The following NRXN1 variants were observed in gnomAD, a reference collection of about 807,000 sequenced individuals.
The protein encoded by NRXN1 is neurexin-1.
In NRXN1, 39 loss-of-function variants were observed where a neutral mutation model predicts 150.9. That is an observed-to-expected ratio of 0.26 (90% CI 0.20 to 0.34). NRXN1 has a LOEUF of 0.34. Among genes scored for constraint, NRXN1 ranks in the 10% least tolerant of loss-of-function variants. NRXN1 has a pLI of 1.00. For synonymous variants in NRXN1, 924 were observed against 757.0 expected (o/e 1.22, Z -3.62); for missense variants, 1,815 against 1,949.9 (o/e 0.93, Z 1.30).
chr2:50,225,208 A>G (rs1412543740), intron 18 of NRXN1, among the ~76,000 whole-genome samples: 2 of 151,928 alleles, frequency 1.3e-5, no homozygotes, highest in East Asian at 3.9e-4. Context: ...GCACTTCTGG[A>G]GTGAGCGCCT....
chr2:50,437,393 G>A (rs1403741629), intron 17 of NRXN1, among the ~76,000 whole-genome samples: 1 of 152,100 alleles, frequency 6.6e-6, no homozygotes, highest in African/African-American at 2.4e-5. Flanking sequence ...GAAGGATCTC[G>A]TGTCATTTAT....
intron 21 of NRXN1, among the ~76,000 whole-genome samples, chr2:49,996,497 CA>C (rs1260293839): frequency 1.3e-5 from 2 of 152,206 alleles, no homozygotes; most frequent in East Asian, 3.9e-4. Context: ...ACTGACATGG[CA>C]AAGTCTTTGT....
In NRXN1 at chr2:50,419,680, CA is replaced by C. The variant is rs755596673; in HGVS notation, c.3364+45761del. Among the ~76,000 whole-genome samples, 98 of 151,918 alleles carry C rather than the reference CA, an allele frequency of 6.5e-4. 2 individuals are homozygous for C. Among genetic ancestry groups the C allele is most frequent in the Non-Finnish European group, 2.2e-4 (15 of 67,882 alleles). The stretch of plus-strand genomic sequence containing the variant: ...TGTATCTTACAAATTTGCATACATA[CA>C]ATAGTTTGAGTAAATTGGAAATACT... On this transcript the variant is annotated intron_variant, in intron 17 of 22. Coordinates refer to ENST00000401669, the MANE Select transcript of NRXN1 (RefSeq NM_001330078.2).
intron 18 of NRXN1, among the ~76,000 whole-genome samples, chr2:50,124,258 C>T (rs1704261372): frequency 6.6e-6 from 1 of 152,034 alleles, no homozygotes; most frequent in South Asian, 2.1e-4. Context: ...TACTGTTCAC[C>T]TTAATAAGAA....
At chr2:50,349,270 G>T (rs1186558834) in intron 17 of NRXN1, among the ~76,000 whole-genome samples, 1 of 152,150 alleles carries the variant, frequency 6.6e-6, no homozygotes, top group Admixed American at 6.6e-5. Context: ...TTCCACAGCT[G>T]CTCGAAGGCC....
intron 5 of NRXN1, among the ~76,000 whole-genome samples, chr2:50,704,664 T>C (rs1011554667): frequency 2.6e-5 from 4 of 151,778 alleles, no homozygotes; most frequent in African/African-American, 7.2e-5. Flanking sequence ...TTTTGTCTTA[T>C]ATTAATATTT....
intron 18 of NRXN1, among the ~76,000 whole-genome samples, chr2:50,131,255 C>A (rs1295849198): frequency 2.6e-5 from 4 of 152,158 alleles, no homozygotes; most frequent in Admixed American, 1.3e-4. Context: ...TCATTAACAC[C>A]TTTGTCCCAG....
At chr2:50,234,381 A>T (rs1250695581) in intron 18 of NRXN1, among the ~76,000 whole-genome samples, 2 of 151,802 alleles carry the variant, frequency 1.3e-5, no homozygotes, top group African/African-American at 4.8e-5. Context: ...GTAATCCTAG[A>T]TATTTGGGAG....
At chr2:50,941,851 G>T (rs1157187653) in intron 2 of NRXN1, among the ~76,000 whole-genome samples, 1 of 152,116 alleles carries the variant, frequency 6.6e-6, no homozygotes, top group Non-Finnish European at 1.5e-5. Flanking sequence ...AAAGCTAGCT[G>T]CAGAAATTTG....
chr2:50,892,381 C>T (rs767113365), intron 5 of NRXN1, among the ~76,000 whole-genome samples: 7 of 152,134 alleles, frequency 4.6e-5, no homozygotes, highest in Admixed American at 1.3e-4. Context: ...AGATCAATAT[C>T]TCCTAAGGCT....
intron 20 of NRXN1, among the ~76,000 whole-genome samples, chr2:50,054,581 T>C (rs913842728): frequency 5.3e-5 from 8 of 152,194 alleles, no homozygotes; most frequent in African/African-American, 1.7e-4. Context: ...ATAATAAAGA[T>C]ATCAGAACTA....
At chr2:50,167,408 C>T (rs771733011) in intron 18 of NRXN1, among the ~76,000 whole-genome samples, 15 of 152,038 alleles carry the variant, frequency 9.9e-5, no homozygotes, top group Admixed American at 2.0e-4. Flanking sequence ...GCCTCCCCCC[C>T]GCCTGTTAAT....
intron 2 of NRXN1, among the ~76,000 whole-genome samples, chr2:51,022,208 T>G (rs897964625): frequency 6.6e-6 from 1 of 152,132 alleles, no homozygotes; most frequent in Non-Finnish European, 1.5e-5. Context: ...CGTGGACACT[T>G]ACAAAATGCT....
Position 50,248,909 on chromosome 2 carries a change from G to A in NRXN1, c.3365-11939C>T, listed in dbSNP as rs188295908. ...CACCTGTAATCCCAGCACTTTGGGA[G>A]GCCAAGGCAGAAGGATTCCTTGAGG... On this transcript the variant is annotated intron_variant, in intron 17 of 22. Coordinates refer to ENST00000401669, the MANE Select transcript of NRXN1 (RefSeq NM_001330078.2). Among the ~76,000 whole-genome samples, 288 of 152,170 alleles carry A rather than the reference G, an allele frequency of 1.9e-3. 2 individuals carry two copies. The highest frequency in any genetic ancestry group is 6.8e-3 in the African/African-American group (283 of 41,524).
intron 5 of NRXN1, among the ~76,000 whole-genome samples, chr2:50,859,018 T>G (rs1184991391): frequency 6.6e-6 from 1 of 152,156 alleles, no homozygotes; most frequent in Non-Finnish European, 1.5e-5. Flanking sequence ...CACTGAGATT[T>G]TAAAGCAAAT....
At position 50,434,732 on chromosome 2, in the gene NRXN1, C is replaced by T. The variant is rs114713002; in HGVS notation, c.3364+30710G>A. Among the ~76,000 whole-genome samples the T allele has an allele frequency of 4.7e-3, 712 of 152,236 alleles. 4 individuals carry two copies. Among genetic ancestry groups the T allele is most frequent in the Non-Finnish European group, 7.3e-3 (494 of 68,000 alleles). Reference sequence around the variant, plus strand: ...AAACCATGGAATGGAATTAATGTTACCAGCAGTAATTTTATTGTCTATCTT... The same window carrying T: ...AAACCATGGAATGGAATTAATGTTATCAGCAGTAATTTTATTGTCTATCTT... On this transcript the variant is annotated intron_variant, in intron 17 of 22. Coordinates refer to ENST00000401669, the MANE Select transcript of NRXN1 (RefSeq NM_001330078.2).
At chr2:50,816,602 T>C (rs546787313) in intron 5 of NRXN1, among the ~76,000 whole-genome samples, 1 of 152,242 alleles carries the variant, frequency 6.6e-6, no homozygotes, top group South Asian at 2.1e-4. Context: ...TACTGATTGT[T>C]TGGTTCATGA....
chr2:50,370,094 G>C (rs182568208), intron 17 of NRXN1, among the ~76,000 whole-genome samples: 1 of 151,998 alleles, frequency 6.6e-6, no homozygotes, highest in East Asian at 1.9e-4. Context: ...CTCTTCAGTT[G>C]TTTTCTCTGC....
intron 19 of NRXN1, among the ~76,000 whole-genome samples, chr2:50,066,448 G>C (rs1004399064): frequency 2.0e-5 from 3 of 152,132 alleles, no homozygotes; most frequent in Non-Finnish European, 4.4e-5. Context: ...AGCAAAGAAG[G>C]TGTGATGGAA....
Sources: gnomAD v4.1 joint callset for allele counts (sites outside exome capture counted in the v4.1 genomes callset) on GRCh38, gnomAD v4.1.1 for gene constraint, MANE v1.5 for transcripts, NCBI Gene and HGNC (gene_info 2026-07-23, HGNC 2026-07-21) for gene names.